Variants in MTG1 observed in about 807,000 individuals in gnomAD.
MTG1 encodes mitochondrial ribosome associated GTPase 1.
Under a neutral mutation model 39.5 loss-of-function variants are expected in MTG1, and 30 were observed. The observed-to-expected ratio is 0.76, with a 90% CI of 0.57 to 1.03. MTG1 has a LOEUF of 1.03. MTG1 is among the 50% of genes least tolerant of loss of function. The pLI, the probability that MTG1 is intolerant of heterozygous loss-of-function variation, is 0.00. For missense variants in MTG1, 513 were observed against 447.4 expected, an observed-to-expected ratio of 1.15 and a Z score of -1.32; for synonymous variants, 217 against 179.0, an observed-to-expected ratio of 1.21 and a Z score of -1.69.
chr10:133,401,039 G>A (rs902267124), intron 6 of MTG1, among the ~76,000 whole-genome samples: 2 of 152,226 alleles, frequency 1.3e-5, no homozygotes, highest in Non-Finnish European at 2.9e-5. Context: ...ACAGTGGAGT[G>A]GCCTCCTTGG....
chr10:133,396,402 C>T, intron 3 of MTG1, 135 bp downstream of exon 3: 1 of 752,394 alleles, frequency 1.3e-6, no homozygotes, highest in Non-Finnish European at 2.2e-6. Flanking sequence ...CAGCCCTTTG[C>T]TTTGCAGAAG....
intron 6 of MTG1, 140 bp from the exon 7 acceptor site, chr10:133,401,389 T>C (rs1160029726): frequency 5.6e-5 from 36 of 644,126 alleles, no homozygotes; most frequent in Non-Finnish European, 8.8e-5. Flanking sequence ...ATAGTCTCCC[T>C]GCTTGGCTGG....
In MTG1 at chr10:133,420,084, T is replaced by C; in HGVS notation, c.924T>C (p.Thr308=). The change falls in exon 11 of 11, where the codon ACT becomes ACC. Residue 308 remains threonine (T), a synonymous_variant. Transcript: ENST00000317502. ...CGGCAGCCCGTGACTTCCTGCAGAC[T>C]TTCCGCCGTGGGCTGCTGGGTTCCG... ...YPAAARDFLQ[T]FRRGLLGSVM... is the part of the protein sequence containing the mutation. 1.2e-6 allele frequency: 2 copies of C among 1,613,556 alleles called. No homozygotes were observed. Among genetic ancestry groups the C allele is most frequent in the Non-Finnish European group, 1.7e-6 (2 of 1,179,794 alleles).
In MTG1 at chr10:133,419,526, C is replaced by T. The variant is rs758481237; in HGVS notation, c.799C>T (p.Arg267Cys). The change falls in exon 10 of 11, where the codon CGC (arginine) becomes TGC (cysteine). Residue 267 changes from arginine (R) to cysteine (C), a missense_variant. Physicochemically the swap from Arg to Cys is radical, Grantham distance 180. Transcript: ENST00000317502. ...GGGCAGTGCCTGTGACAACGTAGAGCGCGTGCTGAAGAGTGTGGCTGTGAA... is the reference window on the plus strand; with the variant it reads ...GGGCAGTGCCTGTGACAACGTAGAGTGCGTGCTGAAGAGTGTGGCTGTGAA... ...GLGSACDNVE[R>C]VLKSVAVKLG... is the part of the protein sequence containing the mutation. 1.7e-5 allele frequency: 27 copies of T among 1,609,622 alleles called. No individual in the cohort carries two copies. The highest frequency in any genetic ancestry group is 5.3e-5 in the African/African-American group (4 of 74,862).
Position 133,419,566 on chromosome 10 carries a change from A to C in MTG1, c.839A>C (p.Gln280Pro). 4 of 1,608,570 alleles carry C rather than the reference A, an allele frequency of 2.5e-6. No individual in the cohort carries two copies. The highest frequency in any genetic ancestry group is 3.4e-6 in the Non-Finnish European group (4 of 1,177,802). Residue 280 changes from glutamine to proline, a missense_variant, in exon 10 of 11, where the codon CAG becomes CCG. By Grantham distance (76) the Gln-to-Pro change is moderately conservative. Coordinates refer to ENST00000317502, the MANE Select transcript of MTG1 (RefSeq NM_138384.4). ...KSVAVKLGKT[Q>P]KVKVLTGTGN... is the part of the protein sequence containing the mutation. Reference sequence around the variant, plus strand: ...GTGGCTGTGAAGCTGGGGAAGACGCAGAAGGTGAAGGTGCTCACGGGCACG... The same window carrying C: ...GTGGCTGTGAAGCTGGGGAAGACGCCGAAGGTGAAGGTGCTCACGGGCACG...
At position 133,402,270 on chromosome 10, in the gene MTG1, T is replaced by C. The variant is rs1482739037; in HGVS notation, c.670+25T>C. ...GGTGAGCCGGGGCTGGGGCTGGGGCTGGGGCTGGGACCGGGGCCCCTGCCA... is the reference window on the plus strand; with the variant it reads ...GGTGAGCCGGGGCTGGGGCTGGGGCCGGGGCTGGGACCGGGGCCCCTGCCA... On this transcript the variant is annotated intron_variant, in intron 8 of 10. Transcript: ENST00000317502. This position sits in a 1 kb window ranked among gnomAD's most constrained non-coding sequence, Gnocchi z 4.7. 7.3e-7 allele frequency: 1 copy of C among 1,360,952 alleles called. No individual in the cohort carries two copies. The allele number at this position is 1,360,952 out of a possible 1,614,324, so 84.3% of individuals were successfully genotyped here. A position where few individuals can be genotyped will look rare whatever the true frequency, so the allele number is the denominator to read the frequency against.
chr10:133,409,365 C>A (rs1196988874), intron 9 of MTG1, among the ~76,000 whole-genome samples: 1 of 152,116 alleles, frequency 6.6e-6, no homozygotes, highest in African/African-American at 2.4e-5. Flanking sequence ...CCTCTTGTTA[C>A]TGCTTTCTTG....
intron 9 of MTG1, among the ~76,000 whole-genome samples, chr10:133,413,339 C>A (rs191702386): frequency 2.0e-5 from 3 of 152,188 alleles, no homozygotes; most frequent in African/African-American, 7.2e-5. Flanking sequence ...GTCTTGAACT[C>A]CTAATCTCAG....
rs748438379 is a variant in MTG1, at chr10:133,401,721, A to AC, written c.573+136dup. The AC allele has an allele frequency of 2.0e-5, 17 of 869,876 alleles. No individual in the cohort carries two copies. In the South Asian group the frequency reaches 2.1e-4, roughly 11 times the overall value. The allele number at this position is 869,876 out of a possible 1,614,324, so 53.9% of individuals were successfully genotyped here. A position where few individuals can be genotyped will look rare whatever the true frequency, so the allele number is the denominator to read the frequency against. ...CCTCCACTCAGTGTCCCCGCTGAGC[A>AC]CCCCCGGGGCAGGCACTGCCCCTGC... On this transcript the variant is annotated intron_variant, in intron 7 of 10. Transcript: ENST00000317502.
At chr10:133,394,471 T>G in intron 1 of MTG1, 139 bp downstream of exon 1, 23 of 1,313,222 alleles carry the variant, frequency 1.8e-5, no homozygotes, top group East Asian at 3.3e-5. Context: ...TCTCCCCTCC[T>G]TCCCCGCTCT....
At position 133,402,838 on chromosome 10, in the gene MTG1, A is replaced by C; in HGVS notation, c.752+65A>C. ...CTAGTCACCTCATTTAAAAAAAAAA[A>C]ACAAACAAAAAAACCCCCAGCATTA... On this transcript the variant is annotated intron_variant, in intron 9 of 10. Coordinates refer to ENST00000317502, the MANE Select transcript of MTG1 (RefSeq NM_138384.4). This position sits in a 1 kb window ranked among gnomAD's most constrained non-coding sequence, Gnocchi z 4.7. 2 of 1,238,628 alleles carry C rather than the reference A, an allele frequency of 1.6e-6. No individual in the cohort carries two copies. The highest frequency in any genetic ancestry group is 2.2e-6 in the Non-Finnish European group (2 of 890,224). The allele number at this position is 1,238,628 out of a possible 1,614,324, so 76.7% of individuals were successfully genotyped here. A position where few individuals can be genotyped will look rare whatever the true frequency, so the allele number is the denominator to read the frequency against.
In MTG1 at chr10:133,402,053, A is replaced by C; in HGVS notation, c.574-96A>C. 1 of 1,476,378 alleles carries C rather than the reference A, an allele frequency of 6.8e-7. No individual in the cohort carries two copies. Among genetic ancestry groups the C allele is most frequent in the South Asian group, 1.1e-5 (1 of 87,958 alleles). The allele number at this position is 1,476,378 out of a possible 1,614,324, so 91.5% of individuals were successfully genotyped here. ...GTTGGGTCCCTGAGGCCTTCCTCGG[A>C]GCATTGGGTGCCAGGGGCTGCCCAG... On this transcript the variant is annotated intron_variant, in intron 7 of 10. Coordinates refer to ENST00000317502, the MANE Select transcript of MTG1 (RefSeq NM_138384.4). The surrounding 1 kb of genome is among the most constrained non-coding windows in gnomAD (Gnocchi z 4.7).
intron 9 of MTG1, among the ~76,000 whole-genome samples, chr10:133,419,138 C>T (rs1850183629): frequency 6.6e-6 from 1 of 152,232 alleles, no homozygotes; most frequent in South Asian, 2.1e-4. Flanking sequence ...CAGAGGCCTG[C>T]CTGTCCTACC....
intron 3 of MTG1, 33 bp from the exon 4 acceptor site, chr10:133,398,398 TAAAA>T: frequency 6.2e-7 from 1 of 1,600,276 alleles, no homozygotes; most frequent in Non-Finnish European, 8.5e-7. Flanking sequence ...AAGACTCCAG[TAAAA>T]AAAGTAACAT....
intron 9 of MTG1, among the ~76,000 whole-genome samples, chr10:133,403,788 T>C (rs977993131): frequency 7.9e-6 from 1 of 127,334 alleles, no homozygotes; most frequent in Admixed American, 7.8e-5. Context: ...CTTGGGTTAA[T>C]ACCTAGGAGT....
intron 6 of MTG1, 22 bp downstream of exon 6, chr10:133,399,641 C>T: frequency 6.2e-7 from 1 of 1,610,502 alleles, no homozygotes; most frequent in Non-Finnish European, 8.5e-7. Flanking sequence ...TGCGGCTGAT[C>T]ACCTCAGGAA....
intron 6 of MTG1, 175 bp downstream of exon 6, chr10:133,399,794 A>T: frequency 1.8e-6 from 1 of 569,064 alleles, no homozygotes; most frequent in Non-Finnish European, 3.1e-6. Flanking sequence ...AGGAGGGCTG[A>T]ACAGTGGGAC....
chr10:133,414,883 A>G (rs1282192107), intron 9 of MTG1, among the ~76,000 whole-genome samples: 1 of 152,256 alleles, frequency 6.6e-6, no homozygotes, highest in Non-Finnish European at 1.5e-5. Context: ...ACCATTGAGC[A>G]CTGAGTGAAC....
At chr10:133,394,795 A>T in intron 1 of MTG1, 1 of 955,654 alleles carries the variant, frequency 1.0e-6, no homozygotes, top group Non-Finnish European at 1.2e-6. Context: ...CGTCTTTGGT[A>T]ATTCTTACTG....
Sources: allele counts gnomAD v4.1 joint callset (sites outside exome capture counted in the v4.1 genomes callset), GRCh38; gene constraint gnomAD v4.1.1; non-coding constraint Gnocchi (gnomAD v3.1); transcripts MANE v1.5; gene names NCBI Gene and HGNC (gene_info 2026-07-23, HGNC 2026-07-21).